Variants in KANSL3 observed in about 807,000 individuals in gnomAD.
KANSL3 encodes the protein KAT8 regulatory NSL complex subunit 3.
KANSL3 carries 16 observed loss-of-function variants against 89.2 expected under a neutral mutation model. The ratio of observed to expected loss-of-function variants is 0.18; its 90% CI spans 0.12 to 0.27. The LOEUF (loss-of-function observed/expected upper bound fraction) is 0.27, where lower values mean the gene tolerates loss of function less well. Ranked by LOEUF, KANSL3 falls within the 10% of genes least tolerant of loss-of-function variation. The probability of loss-of-function intolerance (pLI) is 1.00; values close to 1 mark genes in which losing one functional copy is unlikely to be tolerated. For missense variants in KANSL3, 879 were observed against 1,110.6 expected, an observed-to-expected ratio of 0.79 and a Z score of 2.96; for synonymous variants, 385 against 419.7, an observed-to-expected ratio of 0.92 and a Z score of 1.01.
chr2:96,612,265 A>C lies in KANSL3; in HGVS notation c.1086+17T>G. The C allele has an allele frequency of 6.3e-7, 1 of 1,581,210 alleles. No homozygotes were observed. On this transcript the variant is annotated intron_variant, in intron 9 of 20. Transcript: ENST00000431828. The stretch of plus-strand genomic sequence containing the variant: ...TCCATCCCAGGACAACCTCCAAATA[A>C]GATAGAAATTACTTACATGACAGGC...
intron 3 of KANSL3, among the ~76,000 whole-genome samples, chr2:96,625,902 T>C (rs1251704751): frequency 6.6e-6 from 1 of 152,174 alleles, no homozygotes; most frequent in Non-Finnish European, 1.5e-5. Context: ...GAATTTTAAA[T>C]ACAAGCCTAA....
chr2:96,591,513 G>A (rs2066274220), downstream of KANSL3, among the ~76,000 whole-genome samples: 1 of 152,184 alleles, frequency 6.6e-6, no homozygotes, highest in Admixed American at 6.5e-5. Flanking sequence ...AAGTACTGGG[G>A]AAACTTGGTG....
chr2:96,605,181 G>T, intron 15 of KANSL3, 139 bp downstream of exon 15: 1 of 751,644 alleles, frequency 1.3e-6, no homozygotes, highest in Non-Finnish European at 2.2e-6. Context: ...TTACCCACAT[G>T]TACAGACTCA....
At chr2:96,584,249 C>T in the KANSL3 span, among the ~76,000 whole-genome samples, 2 of 152,064 alleles carry the variant, frequency 1.3e-5, no homozygotes, top group African/African-American at 4.8e-5. Flanking sequence ...TTCCTGGGCT[C>T]AAGAGATACT....
rs2067403875 is a variant in KANSL3, at chr2:96,602,972, C to T, written c.2150-110G>A. ...CAACTAAAACACCAGTGGTGCTTGC[C>T]CTTGGACACCCGTCCTCAGAGAGAA... On this transcript the variant is annotated intron_variant, in intron 17 of 20. Transcript: ENST00000431828. 8 of 914,366 alleles carry T rather than the reference C, an allele frequency of 8.7e-6. No individual in the cohort carries two copies. The South Asian group carries it at 1.1e-4, about 12-fold the overall frequency. The allele number at this position is 914,366 out of a possible 1,614,324, so 56.6% of individuals were successfully genotyped here.
chr2:96,604,235 T>G lies in KANSL3; in HGVS notation c.2149+15A>C. On this transcript the variant is annotated intron_variant, in intron 17 of 20. Transcript: ENST00000431828. ...ATTCTGTGTTGGAAGGGGAGAATGC[T>G]GGGCCACAAGATACCTGGGAGGGAG... 6.3e-7 allele frequency: 1 copy of G among 1,588,216 alleles called. No individual in the cohort carries two copies. Among genetic ancestry groups the G allele is most frequent in the Non-Finnish European group, 8.6e-7 (1 of 1,169,506 alleles).
intron 10 of KANSL3, 51 bp downstream of exon 10, chr2:96,611,013 C>G (rs2068833842): frequency 6.3e-7 from 1 of 1,589,836 alleles, no homozygotes; most frequent in Non-Finnish European, 8.6e-7. Flanking sequence ...GGCATGCACA[C>G]TCGCGCTCCC....
At chr2:96,628,063 A>C in intron 3 of KANSL3, 1 of 1,290,444 alleles carries the variant, frequency 7.7e-7, no homozygotes. Context: ...TCATAACAGA[A>C]GGGTGGTGGT....
At position 96,595,357 on chromosome 2, in the gene KANSL3, C is replaced by T. The variant is rs1212633941; in HGVS notation, c.*254G>A. 2 of 489,928 alleles carry T rather than the reference C, an allele frequency of 4.1e-6. No individual in the cohort carries two copies. Among genetic ancestry groups the T allele is most frequent in the Admixed American group, 3.5e-5 (1 of 28,230 alleles). 30.3% of individuals were successfully genotyped at this position (489,928 alleles called of 1,614,324 possible). On this transcript the variant is annotated 3_prime_UTR_variant, in exon 21 of 21. Transcript: ENST00000431828. ...GGAAGAAGTGGTTCTGATCCATGTACAGCCAGATCTGCTGAGGAGTCTGGG... is the reference window on the plus strand; with the variant it reads ...GGAAGAAGTGGTTCTGATCCATGTATAGCCAGATCTGCTGAGGAGTCTGGG...
At chr2:96,612,396 G>C (rs779399153) in intron 8 of KANSL3, 43 bp from the exon 9 acceptor site, 1 of 1,603,248 alleles carries the variant, frequency 6.2e-7, no homozygotes, top group Admixed American at 1.7e-5. Flanking sequence ...GGAGGCCAAA[G>C]ATAGGTGCAG....
the KANSL3 span, among the ~76,000 whole-genome samples, chr2:96,583,469 C>T: frequency 1.3e-5 from 2 of 152,200 alleles, no homozygotes; most frequent in Admixed American, 6.5e-5. Context: ...CTTCTATAAC[C>T]GCAGACTAGT....
intron 15 of KANSL3, 37 bp from the exon 16 acceptor site, chr2:96,604,900 C>G (rs369603985): frequency 8.3e-5 from 127 of 1,524,016 alleles, no homozygotes; most frequent in South Asian, 4.5e-4. Context: ...CTGGTCAGTC[C>G]TATTTGGCCT....
chr2:96,604,168 A>G, intron 17 of KANSL3, 82 bp downstream of exon 17: 1 of 1,460,220 alleles, frequency 6.8e-7, no homozygotes, highest in Non-Finnish European at 9.1e-7. Context: ...ATTTAGCTCC[A>G]GGGATGCTTT....
At chr2:96,632,040 G>A (rs1346576610) in intron 2 of KANSL3, among the ~76,000 whole-genome samples, 1 of 150,782 alleles carries the variant, frequency 6.6e-6, no homozygotes, top group Non-Finnish European at 1.5e-5. Context: ...AGCAAGACCT[G>A]GTCTCAAAAA....
chr2:96,592,706 T>C (rs765182677), downstream of KANSL3, among the ~76,000 whole-genome samples: 23 of 152,244 alleles, frequency 1.5e-4, no homozygotes, highest in Non-Finnish European at 2.2e-4. Flanking sequence ...TCCTCACTTA[T>C]AGAAAGGAAA....
intron 5 of KANSL3, among the ~76,000 whole-genome samples, chr2:96,617,776 T>C (rs1242014002): frequency 2.6e-5 from 4 of 151,672 alleles, no homozygotes; most frequent in Non-Finnish European, 5.9e-5. Flanking sequence ...GGCGGGCGGA[T>C]CACGAGGTCA....
chr2:96,608,663 T>C lies in KANSL3; in HGVS notation c.1586A>G (p.Asp529Gly). 1 of 1,613,986 alleles carries C rather than the reference T, an allele frequency of 6.2e-7. No homozygotes were observed. Among genetic ancestry groups the C allele is most frequent in the African/African-American group, 1.3e-5 (1 of 75,020 alleles). ...KLPASPSGSE[D>G]LSSVSSSPTS... Reference sequence around the variant, plus strand: ...GGGGCTGCTGGACACACTGGAGAGATCCTGAGTAAGGTGAGAAGGTCAAGA... The same window carrying C: ...GGGGCTGCTGGACACACTGGAGAGACCCTGAGTAAGGTGAGAAGGTCAAGA... The change falls in exon 14 of 21, where the codon GAT becomes GGT. Residue 529 changes from aspartate to glycine, a missense_variant and splice_region_variant. By Grantham distance (94) the Asp-to-Gly change is moderately conservative (BLOSUM62 -1). This residue lies in a region of KANSL3 where 317 missense variants were observed against 311.2 expected (regional missense o/e 1.02). Coordinates refer to ENST00000431828, the MANE Select transcript of KANSL3 (RefSeq NM_001115016.3).
chr2:96,596,176 T>C (rs1208194531), intron 20 of KANSL3, among the ~76,000 whole-genome samples: 1 of 152,214 alleles, frequency 6.6e-6, no homozygotes, highest in Non-Finnish European at 1.5e-5. Context: ...AGGAAGCAAG[T>C]AGAGAGGGTG....
At chr2:96,609,169 C>T in intron 12 of KANSL3, 105 bp from the exon 13 acceptor site, 1 of 1,016,602 alleles carries the variant, frequency 9.8e-7, no homozygotes, top group Non-Finnish European at 1.5e-6. Context: ...GCTCTGGCAT[C>T]CGCATGTGCC....
Sources: gnomAD v4.1 joint callset for allele counts (sites outside exome capture counted in the v4.1 genomes callset) on GRCh38, gnomAD v4.1.1 for gene constraint, gnomAD v4.1.1 regional missense constraint, MANE v1.5 for transcripts, NCBI Gene and HGNC (gene_info 2026-07-23, HGNC 2026-07-21) for gene names.